The following DYRK1A variants were observed in gnomAD, a reference collection of about 807,000 sequenced individuals.
DYRK1A encodes the protein dual specificity tyrosine phosphorylation regulated kinase 1A, also known as dual specificity tyrosine-phosphorylation-regulated kinase 1A.
Under a neutral mutation model 79.7 loss-of-function variants are expected in DYRK1A, and 9 were observed. The observed-to-expected ratio is 0.11, with a 90% CI of 0.07 to 0.20. The LOEUF (loss-of-function observed/expected upper bound fraction) is 0.20. Among genes scored for constraint, DYRK1A ranks in the 10% least tolerant of loss-of-function variants. DYRK1A has a pLI of 1.00. For synonymous variants in DYRK1A, 349 were observed against 329.7 expected (o/e 1.06, Z -0.63); for missense variants, 622 against 956.0 (o/e 0.65, Z 4.61).
rs575391813 is a variant in DYRK1A, at chr21:37,449,610, G to A, written c.11-23074G>A. Among the ~76,000 whole-genome samples, 11 of 152,144 alleles carry A rather than the reference G, an allele frequency of 7.2e-5. No individual in the cohort carries two copies. In the South Asian group the frequency reaches 2.3e-3, roughly 32 times the overall value. ...GGAAATGTAGTCTAGTTGACTCAGG[G>A]AAAAAAATGCCTTTGGTTATCAATT... On this transcript the variant is annotated intron_variant, in intron 2 of 11. Coordinates refer to ENST00000647188, the MANE Select transcript of DYRK1A (RefSeq NM_001347721.2).
chr21:37,372,919 T>G (rs2049461347), intron 1 of DYRK1A, among the ~76,000 whole-genome samples: 1 of 152,172 alleles, frequency 6.6e-6, no homozygotes, highest in Admixed American at 6.5e-5. Flanking sequence ...GCAAATATGA[T>G]TATTCATATA....
chr21:37,478,345 A>G (rs2052476394), intron 4 of DYRK1A, 45 bp downstream of exon 4: 1 of 1,566,562 alleles, frequency 6.4e-7, no homozygotes, highest in Non-Finnish European at 8.7e-7. Flanking sequence ...GCAGTATGTC[A>G]TTGAGAAAAA....
chr21:37,386,108 T>C (rs2049754535), intron 1 of DYRK1A, among the ~76,000 whole-genome samples: 1 of 152,206 alleles, frequency 6.6e-6, no homozygotes, highest in South Asian at 2.1e-4. Context: ...CCATTTTAAA[T>C]GGGAAGTGGT....
Position 37,474,836 on chromosome 21 carries a change from C to T in DYRK1A, c.207+1956C>T, listed in dbSNP as rs372853656. ...TGGCTCTCTGGGCTATTCTAGTTTT[C>T]ACAATATCTTCCATAGTTCTTAAAT... On this transcript the variant is annotated intron_variant, in intron 3 of 11. Transcript: ENST00000647188. 4.6e-5 allele frequency among the ~76,000 whole-genome samples: 7 copies of T among 152,162 alleles called. No homozygotes were observed. In the South Asian group the frequency reaches 1.2e-3, roughly 27 times the overall value.
At chr21:37,415,955 G>A (rs887404290) in intron 1 of DYRK1A, among the ~76,000 whole-genome samples, 7 of 151,992 alleles carry the variant, frequency 4.6e-5, no homozygotes, top group African/African-American at 1.7e-4. Flanking sequence ...GTGCATATAG[G>A]GGCTAAAATC....
intron 2 of DYRK1A, among the ~76,000 whole-genome samples, chr21:37,442,366 A>T (rs542019556): frequency 2.0e-5 from 3 of 152,220 alleles, no homozygotes; most frequent in Admixed American, 2.0e-4. Flanking sequence ...ATTGTCCCAG[A>T]ACTCAGTGAA....
chr21:37,462,788 A>G (rs2051886749), intron 2 of DYRK1A, among the ~76,000 whole-genome samples: 2 of 150,592 alleles, frequency 1.3e-5, no homozygotes, highest in South Asian at 4.1e-4. Context: ...GTGCCTCTAG[A>G]TAGGAAACCA....
rs1047468677 is a variant in DYRK1A, at chr21:37,512,691, A to T, written c.*160A>T. The T allele has an allele frequency of 2.5e-6, 2 of 805,022 alleles. No individual in the cohort carries two copies. The highest frequency in any genetic ancestry group is 1.7e-5 in the African/African-American group (1 of 57,700). 49.9% of individuals were successfully genotyped at this position (805,022 alleles called of 1,614,324 possible). A position where few individuals can be genotyped will look rare whatever the true frequency, so the allele number is the denominator to read the frequency against. ...TTTTTTTTAACTTGAAAAGATTGCA[A>T]AGGGACATTGAAGTGTTTAAAAGAG... On this transcript the variant is annotated 3_prime_UTR_variant, in exon 12 of 12. Coordinates refer to ENST00000647188, the MANE Select transcript of DYRK1A (RefSeq NM_001347721.2).
intron 2 of DYRK1A, among the ~76,000 whole-genome samples, chr21:37,446,720 G>C (rs529959672): frequency 6.6e-6 from 1 of 152,204 alleles, no homozygotes; most frequent in South Asian, 2.1e-4. Context: ...CCTTGGAAAA[G>C]GTCAGGGTCA....
chr21:37,483,669 A>G (rs769610499), intron 5 of DYRK1A, among the ~76,000 whole-genome samples: 82 of 151,870 alleles, frequency 5.4e-4, no homozygotes, highest in Non-Finnish European at 3.5e-4. Flanking sequence ...CACTGCCTCA[A>G]CCTCCTGGGT....
chr21:37,427,116 T>A (rs887148842), intron 2 of DYRK1A, among the ~76,000 whole-genome samples: 1 of 152,170 alleles, frequency 6.6e-6, no homozygotes, highest in African/African-American at 2.4e-5. Context: ...AAATTTGCTT[T>A]GCAGATTTTT....
intron 11 of DYRK1A, among the ~76,000 whole-genome samples, chr21:37,511,601 C>G (rs1344467492): frequency 1.3e-5 from 2 of 152,146 alleles, no homozygotes; most frequent in Non-Finnish European, 2.9e-5. Context: ...TACTGTCCAG[C>G]CCTTTTCAGG....
intron 1 of DYRK1A, among the ~76,000 whole-genome samples, chr21:37,375,327 G>T (rs889510374): frequency 3.9e-5 from 6 of 152,180 alleles, no homozygotes; most frequent in Non-Finnish European, 8.8e-5. Flanking sequence ...TACAGCATTA[G>T]AATAGATGTA....
intron 6 of DYRK1A, among the ~76,000 whole-genome samples, chr21:37,489,095 G>A (rs1204760585): frequency 6.6e-6 from 1 of 152,092 alleles, no homozygotes; most frequent in South Asian, 2.1e-4. Flanking sequence ...CTGCTTTGAG[G>A]CAGGCAGCCC....
At chr21:37,417,932 GT>G (rs2050389166) in intron 1 of DYRK1A, among the ~76,000 whole-genome samples, 1 of 152,142 alleles carries the variant, frequency 6.6e-6, no homozygotes, top group East Asian at 1.9e-4. Flanking sequence ...TTACTCCATA[GT>G]TTGTGAATGG....
intron 4 of DYRK1A, among the ~76,000 whole-genome samples, chr21:37,479,085 G>T (rs1250872641): frequency 6.6e-6 from 1 of 152,172 alleles, no homozygotes; most frequent in East Asian, 1.9e-4. Context: ...CATGTTGAAG[G>T]CTTGTCCTTT....
chr21:37,461,756 A>G (rs2051845399), intron 2 of DYRK1A, among the ~76,000 whole-genome samples: 1 of 152,046 alleles, frequency 6.6e-6, no homozygotes. Context: ...CCTATATGGA[A>G]ACAGGTGTTT....
chr21:37,388,880 G>A (rs565714925), intron 1 of DYRK1A, among the ~76,000 whole-genome samples: 9 of 151,702 alleles, frequency 5.9e-5, no homozygotes, highest in East Asian at 5.8e-4. Context: ...TCCTGACCTC[G>A]TGATCCACCA....
intron 5 of DYRK1A, among the ~76,000 whole-genome samples, chr21:37,481,862 G>T (rs1278858859): frequency 6.7e-6 from 1 of 148,956 alleles, no homozygotes; most frequent in Admixed American, 6.6e-5. Context: ...AAAAAAAAAT[G>T]TTAGGGGGAT....
Sources: gnomAD v4.1 joint callset for allele counts (sites outside exome capture counted in the v4.1 genomes callset) on GRCh38, gnomAD v4.1.1 for gene constraint, MANE v1.5 for transcripts, NCBI Gene and HGNC (gene_info 2026-07-23, HGNC 2026-07-21) for gene names.